Variants in LGR4 observed in about 807,000 individuals in gnomAD.
LGR4 encodes the protein leucine-rich repeat-containing G protein-coupled receptor 4.
In LGR4, 44 loss-of-function variants were observed where a neutral mutation model predicts 84.8. That is an observed-to-expected ratio of 0.52 (90% confidence interval 0.41 to 0.67). The LOEUF is 0.67. Among genes scored for constraint, LGR4 ranks in the 30% least tolerant of loss-of-function variants. The pLI is 0.00. For missense variants in LGR4, 1,032 were observed against 1,131.4 expected (o/e 0.91, Z 1.26); for synonymous variants, 429 against 434.3 (o/e 0.99, Z 0.15).
At chr11:27,466,750 G>A (rs927180355) in intron 1 of LGR4, among the ~76,000 whole-genome samples, 5 of 152,114 alleles carry the variant, frequency 3.3e-5, no homozygotes, top group African/African-American at 1.2e-4. Context: ...CAAGTGTTAA[G>A]GAACCCTAAG....
intron 1 of LGR4, among the ~76,000 whole-genome samples, chr11:27,467,992 A>T (rs1864811399): frequency 6.6e-6 from 1 of 152,186 alleles, no homozygotes; most frequent in African/African-American, 2.4e-5. Context: ...AAATACAAAC[A>T]TGTAGCCACT....
Position 27,368,781 on chromosome 11 carries a change from T to C in LGR4, c.1942A>G (p.Lys648Glu). The change falls in exon 18 of 18, where the codon AAA becomes GAA. Residue 648 changes from lysine (K) to glutamate (E), a missense_variant. Physicochemically the swap from Lys to Glu is moderately conservative, Grantham distance 56. Transcript: ENST00000379214. ...CTCTTCCCATTTTTCATTATATCTT[T>C]TGCAGATAAGCTTCTTTCGACAGTT... ...LATVERSLSA[K>E]DIMKNGKSNH... The C allele has an allele frequency of 6.2e-7, 1 of 1,614,172 alleles. No homozygotes were observed. The highest frequency in any genetic ancestry group is 8.5e-7 in the Non-Finnish European group (1 of 1,180,030).
In LGR4 at chr11:27,368,406, T is replaced by C; in HGVS notation, c.2317A>G (p.Thr773Ala). 6.2e-7 allele frequency: 1 copy of C among 1,614,154 alleles called. No individual in the cohort carries two copies. The change falls in exon 18 of 18, where the codon ACT (threonine) becomes GCT (alanine). Residue 773 changes from threonine (T) to alanine (A), a missense_variant. Coordinates refer to ENST00000379214, the MANE Select transcript of LGR4 (RefSeq NM_018490.5). ...ATTTCGGGGCTGATAGAGATTGCAGTGATCAATGGTGCAAATGAAAAAAAC... is the reference window on the plus strand; with the variant it reads ...ATTTCGGGGCTGATAGAGATTGCAGCGATCAATGGTGCAAATGAAAAAAAC... ...VAFFSFAPLI[T>A]AISISPEIMK...
chr11:27,428,434 C>T (rs1415078832), intron 1 of LGR4, among the ~76,000 whole-genome samples: 2 of 152,286 alleles, frequency 1.3e-5, no homozygotes, highest in East Asian at 1.9e-4. Context: ...CCACCACGCC[C>T]GGCCTATCTT....
At chr11:27,369,170 G>T in intron 17 of LGR4, 27 bp from the exon 18 acceptor site, 1 of 1,498,342 alleles carries the variant, frequency 6.7e-7, no homozygotes. Flanking sequence ...CAGAGAGAGA[G>T]AAATAAAAGA....
chr11:27,396,766 T>C (rs1470008164), intron 2 of LGR4, among the ~76,000 whole-genome samples: 10 of 152,140 alleles, frequency 6.6e-5, no homozygotes. Flanking sequence ...TTTCTTTTTG[T>C]CCCACAAACA....
chr11:27,463,583 C>T (rs544783179), intron 1 of LGR4, among the ~76,000 whole-genome samples: 55 of 151,996 alleles, frequency 3.6e-4, no homozygotes, highest in Non-Finnish European at 7.4e-4. Context: ...CTCAGGAGTT[C>T]GAGAGCAGCC....
chr11:27,451,628 C>T (rs529546478), intron 1 of LGR4, among the ~76,000 whole-genome samples: 35 of 152,206 alleles, frequency 2.3e-4, no homozygotes, highest in African/African-American at 8.4e-4. Context: ...GCTTAAATAC[C>T]ACAAAAATTA....
rs6484295 is a variant in LGR4 at position 27,385,297 on chromosome 11, G to A, written c.573C>T (p.Ser191=). 0.31 allele frequency: 491,753 copies of A among 1,597,204 alleles called. 78,071 individuals are homozygous for A. Among genetic ancestry groups the A allele is most frequent in the South Asian group, 0.42 (36,597 of 88,126 alleles). Residue 191 remains serine (S), a synonymous_variant, in exon 5 of 18, where the codon AGC becomes AGT. Transcript: ENST00000379214. ...GGTTGGTAAATGCAAAGTCAGGGATGCTTGAGATCTTGTTGAGAGCCAGGG... is the reference window on the plus strand; with the variant it reads ...GGTTGGTAAATGCAAAGTCAGGGATACTTGAGATCTTGTTGAGAGCCAGGG... ...ALTLALNKIS[S]IPDFAFTNLS... is the part of the protein sequence containing the mutation.
chr11:27,373,781 C>A, intron 14 of LGR4, 105 bp from the exon 15 acceptor site: 1 of 1,165,996 alleles, frequency 8.6e-7, no homozygotes, highest in Non-Finnish European at 1.2e-6. Flanking sequence ...AGATGAAGTT[C>A]AAGTGGGGGT....
chr11:27,425,529 G>C (rs1864008571), intron 1 of LGR4, among the ~76,000 whole-genome samples: 1 of 151,918 alleles, frequency 6.6e-6, no homozygotes, highest in Non-Finnish European at 1.5e-5. Flanking sequence ...TTGCTTTGTT[G>C]CCCAGGCTGG....
At chr11:27,385,491 T>C (rs1258229762) in intron 4 of LGR4, 23 bp from the exon 5 acceptor site, 2 of 1,506,966 alleles carry the variant, frequency 1.3e-6, no homozygotes, top group Admixed American at 1.8e-5. Context: ...AAAACAACCA[T>C]GTTCAGTAAC....
chr11:27,391,235 CTTTTTT>C, intron 3 of LGR4, 70 bp from the exon 4 acceptor site: 7 of 443,640 alleles, frequency 1.6e-5, no homozygotes, highest in South Asian at 4.3e-5. Flanking sequence ...AATTCAGAGC[CTTTTTT>C]TTTTTTTTTT....
chr11:27,429,837 GAA>G (rs1161111001), intron 1 of LGR4, among the ~76,000 whole-genome samples: 1 of 152,164 alleles, frequency 6.6e-6, no homozygotes, highest in Non-Finnish European at 1.5e-5. Context: ...AAACATGTGA[GAA>G]AGAGACTGCC....
chr11:27,432,886 T>C (rs1279084978), intron 1 of LGR4, among the ~76,000 whole-genome samples: 2 of 152,190 alleles, frequency 1.3e-5, no homozygotes, highest in Non-Finnish European at 2.9e-5. Flanking sequence ...TCCCACTTTT[T>C]TTCCCACTAC....
At chr11:27,387,758 A>G (rs1163658089) in intron 4 of LGR4, among the ~76,000 whole-genome samples, 1 of 152,172 alleles carries the variant, frequency 6.6e-6, no homozygotes, top group Non-Finnish European at 1.5e-5. Context: ...TGCAGCTGAA[A>G]AGTTTAAATT....
intron 4 of LGR4, among the ~76,000 whole-genome samples, chr11:27,389,313 T>TA (rs1319760812): frequency 1.3e-5 from 2 of 151,876 alleles, no homozygotes; most frequent in Admixed American, 6.6e-5. Flanking sequence ...CCAAAGCCTT[T>TA]AAAAAAAAGT....
At position 27,391,161 on chromosome 11, in the gene LGR4, G is replaced by GCGTT. The variant is rs747531460; in HGVS notation, c.330_333dup (p.Leu112AsnfsTer5). On this transcript the variant is annotated frameshift_variant, in exon 4 of 18. Coordinates refer to ENST00000379214, the MANE Select transcript of LGR4 (RefSeq NM_018490.5). LOFTEE classifies it high-confidence loss of function. ...ACTGTTTTCAACTGATTATTCTGGA[G>GCGTT]CGTTCTGAAAGAAAATTTTTGGTTA... The GCGTT allele has an allele frequency of 3.8e-6, 6 of 1,594,838 alleles. No individual in the cohort carries two copies. Among genetic ancestry groups the GCGTT allele is most frequent in the Non-Finnish European group, 5.1e-6 (6 of 1,170,820 alleles).
chr11:27,434,557 A>T (rs1187995379), intron 1 of LGR4, among the ~76,000 whole-genome samples: 1 of 152,156 alleles, frequency 6.6e-6, no homozygotes, highest in Non-Finnish European at 1.5e-5. Context: ...AACAAAAAAG[A>T]TTACTGTTAA....
Sources: gnomAD v4.1 joint callset for allele counts (sites outside exome capture counted in the v4.1 genomes callset) on GRCh38, gnomAD v4.1.1 for gene constraint, MANE v1.5 for transcripts, NCBI Gene and HGNC (gene_info 2026-07-23, HGNC 2026-07-21) for gene names.